IFIT2: variants seen among roughly 807,000 people sequenced by gnomAD.
IFIT2 encodes the protein interferon-induced protein with tetratricopeptide repeats 2.
IFIT2 carries 3 observed loss-of-function variants against 2.5 expected under a neutral mutation model. The ratio of observed to expected loss-of-function variants is 1.21; its 90% confidence interval spans 0.55 to 3.14. IFIT2 has a LOEUF of 3.14. Ranked by LOEUF, IFIT2 falls within the 30% of genes most tolerant of loss-of-function variation. The pLI is 0.03. For missense variants in IFIT2, 493 were observed against 558.9 expected (o/e 0.88, Z 1.19); for synonymous variants, 212 against 200.7 (o/e 1.06, Z -0.48).
In IFIT2 at chr10:89,307,174, G is replaced by C. The variant is rs768050459; in HGVS notation, c.1218G>C (p.Arg406Ser). 5 of 1,613,798 alleles carry C rather than the reference G, an allele frequency of 3.1e-6. No homozygotes were observed. In the Admixed American group the frequency reaches 8.3e-5, roughly 27 times the overall value. ...GTGTAAAAATAAACCAGAAATCAAG[G>C]GAGAAAGAAAAGATGAAAGACAAAC... is the stretch of plus-strand genomic sequence containing the variant. ...IEGVKINQKS[R>S]EKEKMKDKLQ... is the part of the protein sequence containing the mutation. The change falls in exon 2 of 2, where the codon AGG (arginine) becomes AGC (serine). Residue 406 changes from arginine (R) to serine (S), a missense_variant. Transcript: ENST00000371826.
chr10:89,303,610 T>C (rs1014287801), intron 1 of IFIT2, among the ~76,000 whole-genome samples: 14 of 152,226 alleles, frequency 9.2e-5, no homozygotes, highest in African/African-American at 3.4e-4. Flanking sequence ...GCCTTTTAAA[T>C]GGCTGCTCAA....
At chr10:89,304,443 A>C (rs953268571) in intron 1 of IFIT2, among the ~76,000 whole-genome samples, 1 of 152,204 alleles carries the variant, frequency 6.6e-6, no homozygotes. Flanking sequence ...AGAGAGGGGC[A>C]GTTAGAAAGA....
At chr10:89,304,744 GT>G (rs1459727673) in intron 1 of IFIT2, among the ~76,000 whole-genome samples, 1 of 152,080 alleles carries the variant, frequency 6.6e-6, no homozygotes, top group Non-Finnish European at 1.5e-5. Context: ...TGTTCTCTGG[GT>G]TTTTTAGGGG....
chr10:89,302,493 T>C (rs1158212329), intron 1 of IFIT2, among the ~76,000 whole-genome samples: 1 of 152,318 alleles, frequency 6.6e-6, no homozygotes, highest in East Asian at 1.9e-4. Context: ...TTATTTCATA[T>C]TTGAAAGGAT....
In IFIT2 at chr10:89,302,135, A is replaced by G. The variant is rs1486306285; in HGVS notation, c.5+7A>G. ...ATTGCACTGCAACCATGAGGTAAAT[A>G]TTTTCCCTTCGTATTCGGTAGTGCT... On this transcript the variant is annotated splice_region_variant and intron_variant, in intron 1 of 1. Transcript: ENST00000371826. The G allele has an allele frequency of 2.5e-6, 4 of 1,613,644 alleles. No homozygotes were observed. Among genetic ancestry groups the G allele is most frequent in the Admixed American group, 1.7e-5 (1 of 59,980 alleles).
chr10:89,304,259 C>G (rs1252824068), intron 1 of IFIT2, among the ~76,000 whole-genome samples: 1 of 149,962 alleles, frequency 6.7e-6, no homozygotes, highest in African/African-American at 2.5e-5. Flanking sequence ...ATGTAACTAA[C>G]CCCAGGTGCG....
Position 89,306,581 on chromosome 10 carries a change from C to G in IFIT2, c.625C>G (p.Gln209Glu), listed in dbSNP as rs201969228. The G allele has an allele frequency of 4.3e-6, 7 of 1,614,088 alleles. No individual in the cohort carries two copies. Among genetic ancestry groups the G allele is most frequent in the Non-Finnish European group, 5.9e-6 (7 of 1,179,962 alleles). Residue 209 changes from glutamine (Q) to glutamate (E), a missense_variant, in exon 2 of 2, where the codon CAG becomes GAG. Physicochemically the swap from Gln to Glu is conservative, Grantham distance 29. Transcript: ENST00000371826. Reference sequence around the variant, plus strand: ...AGCCATTCGGCTGAATCCTGACAACCAGTACCTTAAAGTCCTCCTGGCTCT... The same window carrying G: ...AGCCATTCGGCTGAATCCTGACAACGAGTACCTTAAAGTCCTCCTGGCTCT... ...RQAIRLNPDN[Q>E]YLKVLLALKL...
At position 89,307,347 on chromosome 10, in the gene IFIT2, C is replaced by T. The variant is rs777023518; in HGVS notation, c.1391C>T (p.Pro464Leu). ...ERGLESGSLI[P>L]SASSWNGE ...GGTTTGGAGTCTGGAAGCCTCATCC[C>T]TTCAGCATCAAGCTGGAATGGGGAA... Residue 464 changes from proline (P) to leucine (L), a missense_variant, in exon 2 of 2, where the codon CCT (proline) becomes CTT (leucine). Pro to Leu is a moderately conservative substitution (Grantham distance 98). Transcript: ENST00000371826. 2 of 1,604,614 alleles carry T rather than the reference C, an allele frequency of 1.2e-6. No individual in the cohort carries two copies. The highest frequency in any genetic ancestry group is 4.5e-5 in the East Asian group (2 of 44,622).
chr10:89,304,455 G>A (rs868788040), intron 1 of IFIT2, among the ~76,000 whole-genome samples: 2 of 152,080 alleles, frequency 1.3e-5, no homozygotes, highest in Non-Finnish European at 2.9e-5. Context: ...TTAGAAAGAG[G>A]GGTCACATAA....
At chr10:89,305,890 T>C in intron 1 of IFIT2, 72 bp from the exon 2 acceptor site, 2 of 1,062,416 alleles carry the variant, frequency 1.9e-6, no homozygotes, top group Non-Finnish European at 2.8e-6. Context: ...AGGAGCATTT[T>C]ATTTGCCATG....
In IFIT2 at chr10:89,308,060, C is replaced by G. The variant is rs1396149012; in HGVS notation, c.*685C>G. ...GCAATGTGTACAAGAAGACTTTCAG[C>G]AAGTATACAGAGAGTTCACCTCTAC... On this transcript the variant is annotated 3_prime_UTR_variant, in exon 2 of 2. Coordinates refer to ENST00000371826, the MANE Select transcript of IFIT2 (RefSeq NM_001547.5). 6.6e-6 allele frequency: 1 copy of G among 152,324 alleles called. No individual in the cohort carries two copies. Among genetic ancestry groups the G allele is most frequent in the African/African-American group, 2.4e-5 (1 of 41,436 alleles). The allele number at this position is 152,324 out of a possible 1,614,324, so 9.4% of individuals were successfully genotyped here.
rs1475768351 is a variant in IFIT2, at chr10:89,307,593, G to A, written c.*218G>A. 4.4e-6 allele frequency: 2 copies of A among 452,290 alleles called. No homozygotes were observed. Among genetic ancestry groups the A allele is most frequent in the East Asian group, 3.3e-5 (1 of 30,208 alleles). The allele number at this position is 452,290 out of a possible 1,614,324, so 28.0% of individuals were successfully genotyped here. ...GGACCAGATTGGGGGGTAGGTCCACGGGCTTGGTGATAGAATTATTTCTCG... is the reference window on the plus strand; with the variant it reads ...GGACCAGATTGGGGGGTAGGTCCACAGGCTTGGTGATAGAATTATTTCTCG... On this transcript the variant is annotated 3_prime_UTR_variant, in exon 2 of 2. Transcript: ENST00000371826.
rs17468739 is a variant in IFIT2, at chr10:89,306,192, A to G, written c.236A>G (p.Glu79Gly). Reference sequence around the variant, plus strand: ...CTGGAATGCTTACGTAAAGCTGAAGAGTTAATCCAGCAAGAGCATGCTGAC... The same window carrying G: ...CTGGAATGCTTACGTAAAGCTGAAGGGTTAATCCAGCAAGAGCATGCTGAC... ...AALECLRKAE[E>G]LIQQEHADQA... The change falls in exon 2 of 2, where the codon GAG (glutamate) becomes GGG (glycine). Residue 79 changes from glutamate to glycine, a missense_variant. Coordinates refer to ENST00000371826, the MANE Select transcript of IFIT2 (RefSeq NM_001547.5). The G allele has an allele frequency of 1.2e-6, 2 of 1,613,990 alleles. No homozygotes were observed. The highest frequency in any genetic ancestry group is 1.7e-6 in the Non-Finnish European group (2 of 1,180,002).
In IFIT2 at chr10:89,306,889, G is replaced by T. The variant is rs1433299123; in HGVS notation, c.933G>T (p.Lys311Asn). ...LRENGMYGKR[K>N]LLELIGHAVA... ...AGAATGGAATGTATGGGAAAAGAAA[G>T]TTACTGGAACTAATAGGACACGCTG... Residue 311 changes from lysine to asparagine, a missense_variant, in exon 2 of 2, where the codon AAG becomes AAT. Coordinates refer to ENST00000371826, the MANE Select transcript of IFIT2 (RefSeq NM_001547.5). The T allele has an allele frequency of 1.2e-6, 2 of 1,613,962 alleles. No individual in the cohort carries two copies. Among genetic ancestry groups the T allele is most frequent in the African/African-American group, 1.3e-5 (1 of 74,920 alleles).
rs372337866 is a variant in IFIT2 at position 89,306,486 on chromosome 10, G to C, written c.530G>C (p.Gly177Ala). The change falls in exon 2 of 2, where the codon GGA becomes GCA. Residue 177 changes from glycine to alanine, a missense_variant. Physicochemically the swap from Gly to Ala is moderately conservative, Grantham distance 60. Coordinates refer to ENST00000371826, the MANE Select transcript of IFIT2 (RefSeq NM_001547.5). ...KKPKNPEFTS[G>A]LAIASYRLDN... The stretch of plus-strand genomic sequence containing the variant: ...CCAAAGAACCCAGAATTCACCTCTG[G>C]ACTGGCAATAGCAAGCTACCGTCTG... The C allele has an allele frequency of 3.7e-6, 6 of 1,613,998 alleles. No individual in the cohort carries two copies. The African/African-American group carries it at 6.7e-5, about 18-fold the overall frequency.
rs1316671746 is a variant in IFIT2 at position 89,308,068 on chromosome 10, CAG to C, written c.*698_*699del. 4 of 152,334 alleles carry C rather than the reference CAG, an allele frequency of 2.6e-5. No homozygotes were observed. The highest frequency in any genetic ancestry group is 2.1e-4 in the South Asian group (1 of 4,834). The allele number at this position is 152,334 out of a possible 1,614,324, so 9.4% of individuals were successfully genotyped here. A position where few individuals can be genotyped will look rare whatever the true frequency, so the allele number is the denominator to read the frequency against. ...TACAAGAAGACTTTCAGCAAGTATACAGAGAGTTCACCTCTACTCTGCCCTCC... is the reference window on the plus strand; with the variant it reads ...TACAAGAAGACTTTCAGCAAGTATACAGAGTTCACCTCTACTCTGCCCTCC... On this transcript the variant is annotated 3_prime_UTR_variant, in exon 2 of 2. Transcript: ENST00000371826.
In IFIT2 at chr10:89,307,104, A is replaced by T. The variant is rs751422356; in HGVS notation, c.1148A>T (p.Tyr383Phe). The change falls in exon 2 of 2, where the codon TAC becomes TTC. Residue 383 changes from tyrosine (Y) to phenylalanine (F), a missense_variant. Transcript: ENST00000371826. ...LHLRYGNFQL[Y>F]QMKCEDKAIH... The stretch of plus-strand genomic sequence containing the variant: ...CTGCGGTATGGCAACTTTCAGCTGT[A>T]CCAAATGAAGTGTGAAGACAAGGCC... 3.2e-5 allele frequency: 51 copies of T among 1,613,984 alleles called. No individual in the cohort carries two copies. Among genetic ancestry groups the T allele is most frequent in the Non-Finnish European group, 4.1e-5 (48 of 1,179,974 alleles).
rs1427724208 is a variant in IFIT2 at position 89,302,078 on chromosome 10, T to TC, written c.-46_-45insC. On this transcript the variant is annotated 5_prime_UTR_variant, in exon 1 of 2. Transcript: ENST00000371826. ...GAGGAAGATTTCTGAAGAGTGCAGC[T>TC]GCCTGAACCGAGCCCTGCCGAACAG... 6.2e-7 allele frequency: 1 copy of TC among 1,613,392 alleles called. No individual in the cohort carries two copies. Among genetic ancestry groups the TC allele is most frequent in the South Asian group, 1.1e-5 (1 of 91,064 alleles).
rs1384226976 is a variant in IFIT2, at chr10:89,307,387, G to C, written c.*12G>C. 2 of 1,578,576 alleles carry C rather than the reference G, an allele frequency of 1.3e-6. No homozygotes were observed. Among genetic ancestry groups the C allele is most frequent in the African/African-American group, 1.4e-5 (1 of 73,296 alleles). The stretch of plus-strand genomic sequence containing the variant: ...GGAATGGGGAATGAAGAATAGAGAT[G>C]TGGTGCCCACTAGGCTACTGCTGAA... On this transcript the variant is annotated 3_prime_UTR_variant, in exon 2 of 2. Transcript: ENST00000371826.
Sources: allele counts gnomAD v4.1 joint callset (sites outside exome capture counted in the v4.1 genomes callset), GRCh38; gene constraint gnomAD v4.1.1; transcripts MANE v1.5; gene names NCBI Gene and HGNC (gene_info 2026-07-23, HGNC 2026-07-21).